CIT: variants seen among roughly 807,000 people sequenced by gnomAD.
CIT encodes citron rho-interacting serine/threonine kinase.
In CIT, 79 loss-of-function variants were observed where a neutral mutation model predicts 272.7. That is an observed-to-expected ratio of 0.29 (90% CI 0.24 to 0.35). CIT has a LOEUF of 0.35. CIT is among the 10% of genes least tolerant of loss of function. CIT has a pLI of 1.00. For missense variants in CIT, 1,909 were observed against 2,618.3 expected, an observed-to-expected ratio of 0.73 and a Z score of 5.91; for synonymous variants, 948 against 995.6, an observed-to-expected ratio of 0.95 and a Z score of 0.90.
chr12:119,797,312 G>A (rs1156574101), intron 10 of CIT, among the ~76,000 whole-genome samples: 2 of 152,206 alleles, frequency 1.3e-5, no homozygotes, highest in South Asian at 2.1e-4. Context: ...ATGAGAAGGC[G>A]GTGGAATGGT....
At chr12:119,830,381 AT>A (rs1968526694) in intron 7 of CIT, among the ~76,000 whole-genome samples, 1 of 151,988 alleles carries the variant, frequency 6.6e-6, no homozygotes, top group African/African-American at 2.4e-5. Context: ...GCACTAAAAA[AT>A]TGAAACTGGG....
intron 16 of CIT, among the ~76,000 whole-genome samples, chr12:119,774,090 T>C (rs965656324): frequency 1.3e-5 from 2 of 152,158 alleles, no homozygotes; most frequent in Non-Finnish European, 2.9e-5. Context: ...TTATGAGGTA[T>C]ATAAAGTAGT....
chr12:119,876,896 T>C (rs1270908878), intron 1 of CIT, among the ~76,000 whole-genome samples: 3 of 151,920 alleles, frequency 2.0e-5, no homozygotes, highest in Admixed American at 2.0e-4. Flanking sequence ...AGAGGTTAAG[T>C]AAATGGCTAA....
intron 32 of CIT, among the ~76,000 whole-genome samples, chr12:119,715,871 C>A (rs920473750): frequency 2.0e-5 from 3 of 152,096 alleles, no homozygotes; most frequent in Non-Finnish European, 4.4e-5. Context: ...ACTGACTATA[C>A]GGTAGGCTCT....
At chr12:119,853,747 G>A (rs993448814) in intron 4 of CIT, among the ~76,000 whole-genome samples, 1 of 152,020 alleles carries the variant, frequency 6.6e-6, no homozygotes, top group Non-Finnish European at 1.5e-5. Flanking sequence ...TCTTTTGTCT[G>A]GCACATAAAA....
intron 20 of CIT, 134 bp downstream of exon 20, chr12:119,760,802 GCCT>G (rs923824730): frequency 1.3e-5 from 9 of 689,194 alleles, no homozygotes; most frequent in African/African-American, 1.3e-4. Flanking sequence ...TTCAGAGAAA[GCCT>G]CCTATTACCA....
chr12:119,782,586 C>T lies in CIT; in HGVS notation c.1597G>A (p.Asp533Asn). 6.2e-7 allele frequency: 1 copy of T among 1,614,196 alleles called. No homozygotes were observed. Among genetic ancestry groups the T allele is most frequent in the Non-Finnish European group, 8.5e-7 (1 of 1,180,032 alleles). ...QARMEVSQED[D>N]KALQLLHDIR... is the part of the protein sequence containing the mutation. ...TCATGGAGAAGCTGCAGTGCTTTGT[C>T]ATCCTCCTGGGACACCTCCATCCGT... Residue 533 changes from aspartate to asparagine, a missense_variant, in exon 13 of 48, where the codon GAC becomes AAC. By Grantham distance (23) the Asp-to-Asn change is conservative. Around this residue, in one of 8 missense-constraint regions of CIT, gnomAD observed 19 missense variants for 21.4 expected, o/e 0.89. Transcript: ENST00000392521.
At chr12:119,787,684 T>C (rs1198763174) in intron 10 of CIT, among the ~76,000 whole-genome samples, 1 of 122,170 alleles carries the variant, frequency 8.2e-6, no homozygotes, top group African/African-American at 3.1e-5. Flanking sequence ...TGAGCCAAGA[T>C]GGCACCACAG....
intron 24 of CIT, among the ~76,000 whole-genome samples, chr12:119,736,753 C>T (rs1958784432): frequency 6.6e-6 from 1 of 152,178 alleles, no homozygotes; most frequent in Non-Finnish European, 1.5e-5. Context: ...TGTTAAATCT[C>T]CTAAAACCAG....
intron 5 of CIT, among the ~76,000 whole-genome samples, chr12:119,849,731 G>A (rs566685069): frequency 6.7e-6 from 1 of 149,940 alleles, no homozygotes; most frequent in South Asian, 2.1e-4. Context: ...TGTCACCCAG[G>A]CTGGAGTGCA....
In CIT at chr12:119,859,543, G is replaced by A. The variant is rs563388213; in HGVS notation, c.239-1845C>T. Among the ~76,000 whole-genome samples the A allele has an allele frequency of 7.2e-5, 11 of 152,108 alleles. No homozygotes were observed. The South Asian group carries it at 8.3e-4, about 11-fold the overall frequency. ...TTTTAAGAGACACAAATGGCTGGGC[G>A]CAGTAGCTCACGCCTGTAATCCCAG... On this transcript the variant is annotated intron_variant, in intron 3 of 47. Transcript: ENST00000392521.
At chr12:119,745,396 A>AAAAAAAAAAAAAAAAAAAAAAG (rs1438388736) in intron 23 of CIT, among the ~76,000 whole-genome samples, 1 of 146,124 alleles carries the variant, frequency 6.8e-6, no homozygotes, top group African/African-American at 2.5e-5. Flanking sequence ...AAAAAAAAAA[A>AAAAAAAAAAAAAAAAAAAAAAG]AACACCTGTC....
At position 119,772,930 on chromosome 12, in the gene CIT, A is replaced by G; in HGVS notation, c.1942-20T>C. On this transcript the variant is annotated intron_variant, in intron 16 of 47. Coordinates refer to ENST00000392521, the MANE Select transcript of CIT (RefSeq NM_001206999.2). ...TACAGCCTAGGAAGAGAGAAGGAAAAGGAGATAGGTGGGCAAATTTATTCA... is the reference window on the plus strand; with the variant it reads ...TACAGCCTAGGAAGAGAGAAGGAAAGGGAGATAGGTGGGCAAATTTATTCA... 6.2e-7 allele frequency: 1 copy of G among 1,603,174 alleles called. No individual in the cohort carries two copies. Among genetic ancestry groups the G allele is most frequent in the Non-Finnish European group, 8.5e-7 (1 of 1,175,432 alleles).
At chr12:119,734,046 T>C in intron 26 of CIT, 118 bp downstream of exon 26, 2 of 1,131,576 alleles carry the variant, frequency 1.8e-6, no homozygotes, top group Non-Finnish European at 2.5e-6. Context: ...ACCAGGAGGC[T>C]TGTGACCCAG....
chr12:119,828,493 G>A (rs1968342403), intron 7 of CIT, among the ~76,000 whole-genome samples: 1 of 151,872 alleles, frequency 6.6e-6, no homozygotes, highest in East Asian at 1.9e-4. Context: ...GATATTAAAA[G>A]TGAAACTGTA....
At chr12:119,791,300 A>G (rs1965287160) in intron 10 of CIT, among the ~76,000 whole-genome samples, 1 of 152,198 alleles carries the variant, frequency 6.6e-6, no homozygotes, top group South Asian at 2.1e-4. Flanking sequence ...ACCTCCATCC[A>G]TGACTGGCTG....
intron 9 of CIT, among the ~76,000 whole-genome samples, chr12:119,822,369 GA>G (rs2138041501): frequency 6.6e-6 from 1 of 152,276 alleles, no homozygotes; most frequent in Non-Finnish European, 1.5e-5. Flanking sequence ...AAATATTATC[GA>G]GGGAAACAAA....
chr12:119,807,576 G>C (rs1966683452), intron 9 of CIT, among the ~76,000 whole-genome samples: 2 of 151,960 alleles, frequency 1.3e-5, no homozygotes, highest in Admixed American at 1.3e-4. Flanking sequence ...CACAGTGCCA[G>C]GTACCTAGTA....
chr12:119,809,905 C>T (rs1218232868), intron 9 of CIT, among the ~76,000 whole-genome samples: 1 of 152,234 alleles, frequency 6.6e-6, no homozygotes, highest in Non-Finnish European at 1.5e-5. Flanking sequence ...GTTTGGAGAG[C>T]TTCCGGATAG....
Sources: gnomAD v4.1 joint callset for allele counts (sites outside exome capture counted in the v4.1 genomes callset) on GRCh38, gnomAD v4.1.1 for gene constraint, gnomAD v4.1.1 regional missense constraint, MANE v1.5 for transcripts, NCBI Gene and HGNC (gene_info 2026-07-23, HGNC 2026-07-21) for gene names.